GRIA4: variants seen among roughly 807,000 people sequenced by gnomAD.
GRIA4 encodes glutamate ionotropic receptor AMPA type subunit 4, also known as glutamate receptor 4.
In GRIA4, 34 loss-of-function variants were observed where a neutral mutation model predicts 104.0. That is an observed-to-expected ratio of 0.33 (90% confidence interval 0.25 to 0.44). The LOEUF is 0.44. GRIA4 is among the 20% of genes least tolerant of loss of function. The probability of loss-of-function intolerance (pLI) is 1.00; values close to 1 mark genes in which losing one functional copy is unlikely to be tolerated. For synonymous variants in GRIA4, 386 were observed against 381.9 expected, an observed-to-expected ratio of 1.01 and a Z score of -0.13; for missense variants, 750 against 1,096.5, an observed-to-expected ratio of 0.68 and a Z score of 4.46.
chr11:105,769,715 G>C (rs962285088), intron 4 of GRIA4, among the ~76,000 whole-genome samples: 1 of 152,016 alleles, frequency 6.6e-6, no homozygotes, highest in Non-Finnish European at 1.5e-5. Flanking sequence ...TGAACCAGAG[G>C]TGGGAAGAGT....
intron 14 of GRIA4, among the ~76,000 whole-genome samples, chr11:105,942,480 T>A (rs1285328245): frequency 1.3e-5 from 2 of 152,016 alleles, no homozygotes; most frequent in African/African-American, 4.8e-5. Context: ...ATATATATAT[T>A]TTTCACATGG....
chr11:105,897,446 T>C lies in GRIA4; in HGVS notation c.727-823T>C, dbSNP rs867809174. On this transcript the variant is annotated intron_variant, in intron 6 of 16. Coordinates refer to ENST00000282499, the MANE Select transcript of GRIA4 (RefSeq NM_000829.4). Reference sequence around the variant, plus strand: ...CTGGCTAGGATTGGAGGTACTATGTTAAATACGAGTGGTGAGAGTGGACAT... The same window carrying C: ...CTGGCTAGGATTGGAGGTACTATGTCAAATACGAGTGGTGAGAGTGGACAT... Among the ~76,000 whole-genome samples the C allele has an allele frequency of 7.2e-5, 11 of 152,198 alleles. No homozygotes were observed. In the South Asian group the frequency reaches 1.0e-3, roughly 14 times the overall value.
intron 3 of GRIA4, among the ~76,000 whole-genome samples, chr11:105,677,665 A>C (rs1364243826): frequency 6.6e-6 from 1 of 151,982 alleles, no homozygotes; most frequent in Non-Finnish European, 1.5e-5. Context: ...TTTCATACCT[A>C]GAATTTCCTT....
chr11:105,923,108 C>T (rs1338744679), intron 11 of GRIA4, among the ~76,000 whole-genome samples: 2 of 152,084 alleles, frequency 1.3e-5, no homozygotes, highest in Non-Finnish European at 2.9e-5. Flanking sequence ...CTGTATAGAA[C>T]CAGGAGCCTG....
At chr11:105,755,184 A>G (rs950986246) in intron 4 of GRIA4, among the ~76,000 whole-genome samples, 1 of 151,832 alleles carries the variant, frequency 6.6e-6, no homozygotes, top group Non-Finnish European at 1.5e-5. Context: ...TTATTATTTT[A>G]TTTCTACTTT....
chr11:105,683,279 G>T (rs1952768012), intron 3 of GRIA4, among the ~76,000 whole-genome samples: 1 of 151,222 alleles, frequency 6.6e-6, no homozygotes, highest in Non-Finnish European at 1.5e-5. Context: ...TGCCTCTTTA[G>T]ATTATATTAT....
chr11:105,728,592 G>A (rs2096714), intron 3 of GRIA4, among the ~76,000 whole-genome samples: 104,843 of 151,966 alleles, frequency 0.69, 36,522 homozygotes, highest in African/African-American at 0.79. Flanking sequence ...AAAATTGACC[G>A]TATAATTGGA....
Position 105,912,910 on chromosome 11 carries a change from G to T in GRIA4, c.1269+2365G>T, listed in dbSNP as rs1013076981. On this transcript the variant is annotated intron_variant, in intron 10 of 16. Transcript: ENST00000282499. ...GAAAACTCCCAACACAGATGGAATT[G>T]GCTAGACATTTTAATATATGTGATA... 8 of 979,226 alleles carry T rather than the reference G, an allele frequency of 8.2e-6. No homozygotes were observed. In the African/African-American group the frequency reaches 1.4e-4, roughly 17 times the overall value. 60.7% of individuals were successfully genotyped at this position (979,226 alleles called of 1,614,324 possible).
rs573669800 is a variant in GRIA4 at position 105,847,175 on chromosome 11, G to A, written c.488-14849G>A. ...GGGGGGATGAAACTGTTCCACCTCAGATCATCAGGATCTTAGATTCTCATG... is the reference window on the plus strand; with the variant it reads ...GGGGGGATGAAACTGTTCCACCTCAAATCATCAGGATCTTAGATTCTCATG... On this transcript the variant is annotated intron_variant, in intron 4 of 16. Transcript: ENST00000282499. Among the ~76,000 whole-genome samples the A allele has an allele frequency of 7.9e-5, 12 of 152,258 alleles. No homozygotes were observed. The South Asian group carries it at 2.5e-3, about 32-fold the overall frequency.
At chr11:105,663,961 G>A (rs945758431) in intron 3 of GRIA4, among the ~76,000 whole-genome samples, 5 of 151,406 alleles carry the variant, frequency 3.3e-5, no homozygotes, top group African/African-American at 1.2e-4. Flanking sequence ...TGCACTACAT[G>A]AATGTGGGCC....
chr11:105,688,156 C>CTATCTATCTATCTATCTA (rs373564678), intron 3 of GRIA4, among the ~76,000 whole-genome samples: 4 of 72,744 alleles, frequency 5.5e-5, no homozygotes, highest in African/African-American at 1.1e-4. Context: ...ATATCTATAT[C>CTATCTATCTATCTATCTA]TCTATCTATC....
chr11:105,651,688 G>A (rs1951690647), intron 3 of GRIA4, among the ~76,000 whole-genome samples: 1 of 151,710 alleles, frequency 6.6e-6, no homozygotes, highest in Non-Finnish European at 1.5e-5. Flanking sequence ...CCATATCACT[G>A]CACTGTTTTC....
intron 3 of GRIA4, among the ~76,000 whole-genome samples, chr11:105,723,462 G>T (rs945455313): frequency 6.6e-6 from 1 of 152,006 alleles, no homozygotes; most frequent in Non-Finnish European, 1.5e-5. Flanking sequence ...CGATTGGTCA[G>T]CATTTATGGC....
intron 3 of GRIA4, among the ~76,000 whole-genome samples, chr11:105,682,757 A>G (rs1477883522): frequency 6.6e-6 from 1 of 152,208 alleles, no homozygotes; most frequent in Non-Finnish European, 1.5e-5. Flanking sequence ...TCTGAAGAAG[A>G]GCAGAACTCG....
At chr11:105,624,041 A>G (rs1463499531) in intron 3 of GRIA4, among the ~76,000 whole-genome samples, 1 of 152,150 alleles carries the variant, frequency 6.6e-6, no homozygotes, top group Non-Finnish European at 1.5e-5. Flanking sequence ...CGAAAAATCA[A>G]GTAAAGAATA....
intron 14 of GRIA4, among the ~76,000 whole-genome samples, chr11:105,959,978 G>C (rs1948694002): frequency 6.6e-6 from 1 of 152,322 alleles, no homozygotes; most frequent in South Asian, 2.1e-4. Flanking sequence ...AGCCAGGATG[G>C]CTGCCTGCTC....
At chr11:105,791,299 T>C (rs997603957) in intron 4 of GRIA4, among the ~76,000 whole-genome samples, 1 of 152,166 alleles carries the variant, frequency 6.6e-6, no homozygotes. Context: ...AGAGAAATAA[T>C]TGTGATATGC....
intron 14 of GRIA4, among the ~76,000 whole-genome samples, chr11:105,969,749 G>A (rs559000023): frequency 4.3e-4 from 65 of 152,116 alleles, no homozygotes; most frequent in African/African-American, 1.5e-3. Context: ...GCTTGCCTGG[G>A]GACCTAAAAA....
At chr11:105,758,440 C>A (rs1940437560) in intron 4 of GRIA4, among the ~76,000 whole-genome samples, 1 of 151,982 alleles carries the variant, frequency 6.6e-6, no homozygotes, top group South Asian at 2.1e-4. Context: ...TTACTGGTTC[C>A]TTGTTTTCAG....
Sources: allele counts gnomAD v4.1 joint callset (sites outside exome capture counted in the v4.1 genomes callset), GRCh38; gene constraint gnomAD v4.1.1; transcripts MANE v1.5; gene names NCBI Gene and HGNC (gene_info 2026-07-23, HGNC 2026-07-21).